PTGER3: variants seen among roughly 807,000 people sequenced by gnomAD.
PTGER3 encodes the protein prostaglandin E receptor 3, also known as prostaglandin E2 receptor EP3 subtype.
In PTGER3, 22 loss-of-function variants were observed where a neutral mutation model predicts 34.7. That is an observed-to-expected ratio of 0.63 (90% CI 0.45 to 0.91). PTGER3 has a LOEUF of 0.91. PTGER3 is among the 40% of genes least tolerant of loss of function. The pLI, the probability that PTGER3 is intolerant of heterozygous loss-of-function variation, is 0.00. For missense variants in PTGER3, 468 were observed against 519.4 expected, an observed-to-expected ratio of 0.90 and a Z score of 0.96; for synonymous variants, 241 against 230.1, an observed-to-expected ratio of 1.05 and a Z score of -0.43.
chr1:70,853,338 T>C lies in PTGER3; in HGVS notation c.*24-479A>G, dbSNP rs563601694. On this transcript the variant is annotated intron_variant, in intron 4 of 4. Transcript: ENST00000370931. ...AGTGTTAAAAGACATAATAAAGAAT[T>C]AGAGAAATCCAGAATGGGAGGCATT... Among the ~76,000 whole-genome samples the C allele has an allele frequency of 3.3e-5, 5 of 152,250 alleles. No homozygotes were observed. The East Asian group carries it at 9.6e-4, about 29-fold the overall frequency.
chr1:71,017,682 T>A (rs1354790011), intron 1 of PTGER3, among the ~76,000 whole-genome samples: 1 of 152,156 alleles, frequency 6.6e-6, no homozygotes, highest in Admixed American at 6.5e-5. Flanking sequence ...TGCTCCACCA[T>A]GTGAAGATGT....
chr1:70,947,768 C>T (rs1035122056), downstream of PTGER3, among the ~76,000 whole-genome samples: 1 of 152,022 alleles, frequency 6.6e-6, no homozygotes, highest in Non-Finnish European at 1.5e-5. Context: ...TTGTTGAGTA[C>T]TGGTGACTAA....
chr1:70,939,652 C>T (rs1023691961), intron 4 of PTGER3, among the ~76,000 whole-genome samples: 10 of 152,258 alleles, frequency 6.6e-5, no homozygotes, highest in Admixed American at 6.5e-4. Flanking sequence ...ATGGAAGCTG[C>T]CAAGGCTTAG....
intron 4 of PTGER3, among the ~76,000 whole-genome samples, chr1:70,944,544 AT>A (rs1650045509): frequency 1.3e-5 from 2 of 152,228 alleles, no homozygotes; most frequent in Non-Finnish European, 2.9e-5. Context: ...AATAAATGTC[AT>A]TTTTTAAATC....
intron 1 of PTGER3, among the ~76,000 whole-genome samples, chr1:71,027,984 A>G (rs1481422811): frequency 6.6e-6 from 1 of 152,162 alleles, no homozygotes; most frequent in Non-Finnish European, 1.5e-5. Flanking sequence ...ATGAAAGTTT[A>G]GTGCTTTATT....
chr1:70,969,890 C>T (rs936756011), downstream of PTGER3, among the ~76,000 whole-genome samples: 6 of 152,166 alleles, frequency 3.9e-5, no homozygotes, highest in African/African-American at 1.2e-4. Flanking sequence ...GTGTAACACT[C>T]ATTTTATGTA....
chr1:70,989,910 C>T lies in PTGER3; in HGVS notation c.1078-15522G>A, dbSNP rs140070930. Among the ~76,000 whole-genome samples the T allele has an allele frequency of 4.9e-4, 74 of 151,832 alleles. 1 individual carries two copies. Among genetic ancestry groups the T allele is most frequent in the African/African-American group, 1.7e-3 (69 of 41,376 alleles). ...CTACACACACACACGCACACACACA[C>T]ATGCATATATATTTTCACATATATA... On this transcript the variant is annotated intron_variant, in intron 2 of 3. Transcript: ENST00000306666.
chr1:70,895,033 T>A (rs1646696101), intron 4 of PTGER3, among the ~76,000 whole-genome samples: 1 of 152,212 alleles, frequency 6.6e-6, no homozygotes, highest in South Asian at 2.1e-4. Context: ...TCTAAGGATA[T>A]CAATCCCTGC....
At chr1:70,960,522 T>C (rs1651819900) in intron 2 of PTGER3, among the ~76,000 whole-genome samples, 1 of 152,144 alleles carries the variant, frequency 6.6e-6, no homozygotes, top group Admixed American at 6.6e-5. Flanking sequence ...TTAAAAAATA[T>C]TATAGCAGAT....
At chr1:70,993,148 C>T (rs997706028) in intron 2 of PTGER3, among the ~76,000 whole-genome samples, 1 of 152,146 alleles carries the variant, frequency 6.6e-6, no homozygotes. Context: ...CCTCACTTCT[C>T]TTTTTCTGCA....
chr1:70,952,915 T>C lies in PTGER3; in HGVS notation c.1249A>G (p.Thr417Ala), dbSNP rs1391433240. 1.9e-6 allele frequency: 3 copies of C among 1,607,668 alleles called. No homozygotes were observed. In the African/African-American group the frequency reaches 4.0e-5, roughly 22 times the overall value. Residue 417 changes from threonine to alanine, a missense_variant, in exon 4 of 4, where the codon ACA (threonine) becomes GCA (alanine). By Grantham distance (58) the Thr-to-Ala change is moderately conservative. Transcript: ENST00000356595. ...TAGTTATTTTCTTCATGTTATTCTG[T>C]CTTTACTGTTGAGATTCTGGTGTAC...
At chr1:70,957,758 T>A (rs1651496514) in intron 2 of PTGER3, among the ~76,000 whole-genome samples, 1 of 152,174 alleles carries the variant, frequency 6.6e-6, no homozygotes, top group African/African-American at 2.4e-5. Flanking sequence ...TATTTTTCTA[T>A]AGTCACTGTA....
intron 4 of PTGER3, among the ~76,000 whole-genome samples, chr1:70,937,122 G>T (rs1159119606): frequency 6.6e-6 from 1 of 152,136 alleles, no homozygotes; most frequent in African/African-American, 2.4e-5. Flanking sequence ...ATTAGGATCA[G>T]ATCTAGAAAT....
intron 4 of PTGER3, among the ~76,000 whole-genome samples, chr1:70,857,622 G>A (rs1259777089): frequency 2.0e-5 from 3 of 151,766 alleles, no homozygotes; most frequent in Non-Finnish European, 2.9e-5. Flanking sequence ...TGCAAGCTCC[G>A]CCTCCCAGCT....
chr1:70,993,700 C>T (rs944002781), intron 2 of PTGER3, among the ~76,000 whole-genome samples: 6 of 152,138 alleles, frequency 3.9e-5, no homozygotes, highest in African/African-American at 1.2e-4. Flanking sequence ...TCCTCGAGGG[C>T]ATTTGCATCC....
At chr1:70,957,814 G>A (rs78545307) in intron 2 of PTGER3, among the ~76,000 whole-genome samples, 5,449 of 152,072 alleles carry the variant, frequency 0.036, 155 homozygotes, top group Non-Finnish European at 0.057. Context: ...ATAATTTAAC[G>A]TTGCAGCAAT....
chr1:70,874,522 C>T (rs755231102), intron 4 of PTGER3, among the ~76,000 whole-genome samples: 1 of 152,186 alleles, frequency 6.6e-6, no homozygotes, highest in African/African-American at 2.4e-5. Flanking sequence ...TGTTAGGCCT[C>T]TCTGTGTTCT....
At chr1:71,040,655 C>T (rs944488118) in intron 1 of PTGER3, among the ~76,000 whole-genome samples, 1 of 152,008 alleles carries the variant, frequency 6.6e-6, no homozygotes, top group African/African-American at 2.4e-5. Flanking sequence ...TTGGGCAGAC[C>T]TTATGTGGCA....
chr1:71,045,958 A>G (rs1201263160), intron 1 of PTGER3, among the ~76,000 whole-genome samples: 1 of 151,588 alleles, frequency 6.6e-6, no homozygotes, highest in Non-Finnish European at 1.5e-5. Context: ...GGGGTTGCAG[A>G]CTGAAAATCT....
Sources: gnomAD v4.1 joint callset for allele counts (sites outside exome capture counted in the v4.1 genomes callset) on GRCh38, gnomAD v4.1.1 for gene constraint, MANE v1.5 for transcripts, NCBI Gene and HGNC (gene_info 2026-07-23, HGNC 2026-07-21) for gene names.